PTPRD: variants seen among roughly 807,000 people sequenced by gnomAD.
The protein encoded by PTPRD is receptor-type tyrosine-protein phosphatase delta.
A neutral mutation model predicts 214.5 loss-of-function variants in PTPRD; 34 were observed. The observed-to-expected ratio is 0.16, with a 90% confidence interval of 0.12 to 0.21. The LOEUF (loss-of-function observed/expected upper bound fraction) is 0.21. Ranked by LOEUF, PTPRD falls within the 10% of genes least tolerant of loss-of-function variation. PTPRD has a pLI of 1.00. For synonymous variants in PTPRD, 1,128 were observed against 845.7 expected, an observed-to-expected ratio of 1.33 and a Z score of -5.79; for missense variants, 2,545 against 2,398.7, an observed-to-expected ratio of 1.06 and a Z score of -1.27.
At chr9:9,489,106 T>A (rs569148069) in intron 8 of PTPRD, among the ~76,000 whole-genome samples, 367 of 152,250 alleles carry the variant, frequency 2.4e-3, no homozygotes, top group African/African-American at 8.0e-3. Flanking sequence ...TATGAAAAGA[T>A]TAGGGCATTC....
intron 8 of PTPRD, among the ~76,000 whole-genome samples, chr9:9,519,878 G>C (rs2096923985): frequency 6.6e-6 from 1 of 152,026 alleles, no homozygotes; most frequent in East Asian, 1.9e-4. Flanking sequence ...GAAACAGAAA[G>C]GGCTGGAAAA....
intron 7 of PTPRD, among the ~76,000 whole-genome samples, chr9:9,663,907 G>T (rs1417991658): frequency 3.3e-5 from 5 of 151,328 alleles, no homozygotes; most frequent in Non-Finnish European, 7.4e-5. Flanking sequence ...GTGGTAGCTG[G>T]ATTTGAATAG....
chr9:9,839,034 C>T (rs1451415917), intron 5 of PTPRD, among the ~76,000 whole-genome samples: 1 of 152,060 alleles, frequency 6.6e-6, no homozygotes, highest in Non-Finnish European at 1.5e-5. Flanking sequence ...ATCCTTTCCC[C>T]ATTGCTTGTT....
intron 4 of PTPRD, among the ~76,000 whole-genome samples, chr9:9,956,585 G>C (rs977346378): frequency 6.6e-5 from 10 of 151,952 alleles, no homozygotes; most frequent in Non-Finnish European, 1.2e-4. Flanking sequence ...TTATCATTTT[G>C]TCACACATTT....
intron 11 of PTPRD, among the ~76,000 whole-genome samples, chr9:8,906,180 C>G (rs559927930): frequency 7.2e-5 from 11 of 152,224 alleles, no homozygotes; most frequent in African/African-American, 2.6e-4. Flanking sequence ...TAATTTTATC[C>G]TTTTGAGTGC....
intron 12 of PTPRD, among the ~76,000 whole-genome samples, chr9:8,671,722 C>T (rs2097290840): frequency 6.6e-6 from 1 of 152,128 alleles, no homozygotes; most frequent in Non-Finnish European, 1.5e-5. Context: ...TTTTACACAC[C>T]TATTGCTTGA....
chr9:9,371,363 T>G, intron 9 of PTPRD, among the ~76,000 whole-genome samples: 1 of 152,202 alleles, frequency 6.6e-6, no homozygotes, highest in African/African-American at 2.4e-5. Flanking sequence ...GTCGAGGAAT[T>G]TATCCATTTC....
chr9:10,599,945 T>G (rs946399454), intron 2 of PTPRD, among the ~76,000 whole-genome samples: 11 of 151,768 alleles, frequency 7.2e-5, no homozygotes, highest in East Asian at 3.9e-4. Flanking sequence ...TATGGGTTCT[T>G]TAGATGATAG....
chr9:10,462,057 A>G (rs986278157), intron 2 of PTPRD, among the ~76,000 whole-genome samples: 3 of 152,176 alleles, frequency 2.0e-5, no homozygotes, highest in African/African-American at 7.2e-5. Flanking sequence ...AGTATCAAAT[A>G]TTTAGGATTA....
intron 3 of PTPRD, among the ~76,000 whole-genome samples, chr9:10,130,802 A>G (rs1051282781): frequency 6.6e-6 from 1 of 152,302 alleles, no homozygotes; most frequent in African/African-American, 2.4e-5. Flanking sequence ...TCATTTCCTC[A>G]GAGCCAAATT....
rs1192766867 is a variant in PTPRD at position 8,811,457 on chromosome 9, T to C, written c.-103-77511A>G. ...TCCCTGGAAAAGGCCCATCAGTGTT[T>C]GTGGAACTGAATAAATGAATATAAT... On this transcript the variant is annotated intron_variant, in intron 11 of 45. Transcript: ENST00000381196. 2.0e-5 allele frequency among the ~76,000 whole-genome samples: 3 copies of C among 152,220 alleles called. No homozygotes were observed. The East Asian group carries it at 5.8e-4, about 29-fold the overall frequency.
intron 11 of PTPRD, among the ~76,000 whole-genome samples, chr9:8,790,520 C>G (rs1461215416): frequency 2.6e-5 from 4 of 151,800 alleles, no homozygotes; most frequent in Admixed American, 1.3e-4. Flanking sequence ...CAGGTTCAAG[C>G]AATTCTCCTG....
At chr9:9,206,495 G>T (rs771704215) in intron 9 of PTPRD, among the ~76,000 whole-genome samples, 1 of 152,140 alleles carries the variant, frequency 6.6e-6, no homozygotes, top group Non-Finnish European at 1.5e-5. Flanking sequence ...TATTGTTCTT[G>T]AGTGTGTCTG....
chr9:9,516,423 A>G (rs995632435), intron 8 of PTPRD, among the ~76,000 whole-genome samples: 21 of 151,940 alleles, frequency 1.4e-4, no homozygotes, highest in Non-Finnish European at 2.4e-4. Context: ...TACATAAAAG[A>G]TTCTTAAATT....
chr9:10,019,813 G>C (rs971024656), intron 4 of PTPRD, among the ~76,000 whole-genome samples: 18 of 152,044 alleles, frequency 1.2e-4, no homozygotes, highest in African/African-American at 3.9e-4. Flanking sequence ...AGCATTAGGA[G>C]TTATACCTAA....
chr9:9,894,326 G>A (rs1344667201), intron 5 of PTPRD, among the ~76,000 whole-genome samples: 1 of 151,920 alleles, frequency 6.6e-6, no homozygotes, highest in African/African-American at 2.4e-5. Context: ...TTTCACCTGT[G>A]CATTAAGAAC....
chr9:8,434,049 C>CT lies in PTPRD; in HGVS notation c.4086+2542dup, dbSNP rs1215357100. On this transcript the variant is annotated intron_variant, in intron 35 of 45. Coordinates refer to ENST00000381196, the MANE Select transcript of PTPRD (RefSeq NM_002839.4). ...CAGGCTGGAGTGCAATGGTGCGACCCTTGGCTCACTGCAACCTCTGCCTCC... is the reference window on the plus strand; with the variant it reads ...CAGGCTGGAGTGCAATGGTGCGACCCTTTGGCTCACTGCAACCTCTGCCTCC... Among the ~76,000 whole-genome samples, 1,151 of 152,264 alleles carry CT rather than the reference C, an allele frequency of 7.6e-3. 16 individuals carry two copies. Among genetic ancestry groups the CT allele is most frequent in the African/African-American group, 0.026 (1,087 of 41,552 alleles).
chr9:8,641,353 G>T (rs1297646421), intron 12 of PTPRD, among the ~76,000 whole-genome samples: 1 of 148,328 alleles, frequency 6.7e-6, no homozygotes, highest in Non-Finnish European at 1.5e-5. Context: ...AAAGGCATTA[G>T]AACTTTCCAG....
At chr9:9,781,666 G>A (rs2098843788) in intron 5 of PTPRD, among the ~76,000 whole-genome samples, 1 of 152,254 alleles carries the variant, frequency 6.6e-6, no homozygotes, top group African/African-American at 2.4e-5. Context: ...TTGGAGTTTA[G>A]CCTTAATGAA....
Sources: allele counts gnomAD v4.1 joint callset (sites outside exome capture counted in the v4.1 genomes callset), GRCh38; gene constraint gnomAD v4.1.1; transcripts MANE v1.5; gene names NCBI Gene and HGNC (gene_info 2026-07-23, HGNC 2026-07-21).